The following MYPN variants were observed in gnomAD, a reference collection of about 807,000 sequenced individuals.
The protein encoded by MYPN is sarcomeric protein myopalladin, 145 kDa (MYOP).
In MYPN, 63 loss-of-function variants were observed where a neutral mutation model predicts 129.4. The ratio of observed to expected loss-of-function variants is 0.49; its 90% confidence interval spans 0.40 to 0.60. MYPN has a LOEUF of 0.60. Ranked by LOEUF, MYPN falls within the 20% of genes least tolerant of loss-of-function variation. MYPN has a pLI of 0.00. For synonymous variants in MYPN, 629 were observed against 600.9 expected, an observed-to-expected ratio of 1.05 and a Z score of -0.68; for missense variants, 1,596 against 1,635.4, an observed-to-expected ratio of 0.98 and a Z score of 0.42.
At chr10:68,106,021 C>G (rs915603212), upstream of MYPN, 5 of 378,304 alleles carry the variant, frequency 1.3e-5, no homozygotes, top group Non-Finnish European at 2.6e-5. Context: ...ATGACTGTCC[C>G]TGGATCTGCA....
At chr10:68,183,248 C>T (rs1430175196) in intron 12 of MYPN, among the ~76,000 whole-genome samples, 3 of 152,044 alleles carry the variant, frequency 2.0e-5, no homozygotes, top group African/African-American at 7.2e-5. Flanking sequence ...ATTGCTTGAG[C>T]TTAGGAGTTC....
At chr10:68,180,424 G>A (rs1423245459) in intron 12 of MYPN, among the ~76,000 whole-genome samples, 2 of 152,194 alleles carry the variant, frequency 1.3e-5, no homozygotes, top group Non-Finnish European at 2.9e-5. Flanking sequence ...GAGCTCAAGC[G>A]ATCCACCCGC....
intron 12 of MYPN, among the ~76,000 whole-genome samples, chr10:68,188,591 T>C (rs1475629334): frequency 5.9e-5 from 9 of 152,186 alleles, no homozygotes; most frequent in Admixed American, 5.2e-4. Context: ...AAGTTTTCCA[T>C]ATTGAAAGGA....
chr10:68,168,033 C>T (rs960393291), intron 10 of MYPN, among the ~76,000 whole-genome samples: 30 of 152,196 alleles, frequency 2.0e-4, no homozygotes, highest in African/African-American at 7.0e-4. Context: ...CCTCTGTCTA[C>T]GTGAGCATCT....
chr10:68,183,880 G>C (rs2043379645), intron 12 of MYPN, among the ~76,000 whole-genome samples: 1 of 152,060 alleles, frequency 6.6e-6, no homozygotes, highest in Non-Finnish European at 1.5e-5. Context: ...AAATTAGCTG[G>C]GCATGATGGT....
Position 68,143,113 on chromosome 10 carries a change from A to G in MYPN, c.1076A>G (p.Glu359Gly), listed in dbSNP as rs2134066905. 3.1e-6 allele frequency: 5 copies of G among 1,613,722 alleles called. No homozygotes were observed. The highest frequency in any genetic ancestry group is 4.2e-6 in the Non-Finnish European group (5 of 1,179,752). ...TCGACTTCTGCTGAGATTTATATAG[A>G]AGGTAAAACAAAATGCTCTTGGAGT... Reference protein sequence around the residue: ...TDSTSAEIYIEGVSSSDSEGD... With the variant: ...TDSTSAEIYIGGVSSSDSEGD... Residue 359 changes from glutamate to glycine, a missense_variant and splice_region_variant, in exon 3 of 20, where the codon GAA (glutamate) becomes GGA (glycine). Physicochemically the swap from Glu to Gly is moderately conservative, Grantham distance 98. Transcript: ENST00000358913.
chr10:68,193,214 A>C (rs1373095098), intron 13 of MYPN, among the ~76,000 whole-genome samples: 1 of 152,134 alleles, frequency 6.6e-6, no homozygotes, highest in Non-Finnish European at 1.5e-5. Context: ...AAGTGTCTAC[A>C]GAGGGAATGA....
chr10:68,173,847 G>T lies in MYPN; in HGVS notation c.1974-219G>T, dbSNP rs117144583. On this transcript the variant is annotated intron_variant, in intron 10 of 19. Coordinates refer to ENST00000358913, the MANE Select transcript of MYPN (RefSeq NM_032578.4). ...TGTATATATAATTTTTTTTTTTTTTGTTAGAGACGGGGTTTCACCATGTTG... is the reference window on the plus strand; with the variant it reads ...TGTATATATAATTTTTTTTTTTTTTTTTAGAGACGGGGTTTCACCATGTTG... Among the ~76,000 whole-genome samples, 111,591 of 144,764 alleles carry T rather than the reference G, an allele frequency of 0.77. 43,251 individuals are homozygous for T. The highest frequency in any genetic ancestry group is 0.91 in the East Asian group (4,543 of 5,006). The allele number at this position is 144,764 out of a possible 152,430, so 95.0% of individuals were successfully genotyped here. A position where few individuals can be genotyped will look rare whatever the true frequency, so the allele number is the denominator to read the frequency against.
At chr10:68,128,873 T>C (rs1019901071) in intron 2 of MYPN, among the ~76,000 whole-genome samples, 7 of 152,158 alleles carry the variant, frequency 4.6e-5, no homozygotes, top group Non-Finnish European at 8.8e-5. Flanking sequence ...AGCAAGTTAA[T>C]TGGTGAGTTT....
Position 68,152,282 on chromosome 10 carries a change from T to C in MYPN, c.1317+2171T>C, listed in dbSNP as rs1249207521. Among the ~76,000 whole-genome samples, 4 of 152,120 alleles carry C rather than the reference T, an allele frequency of 2.6e-5. No individual in the cohort carries two copies. In the East Asian group the frequency reaches 7.7e-4, roughly 29 times the overall value. ...CTTAAAGAGTCTGTTTTATCAGTAA[T>C]TCCAGGAGGGTATAATGAGGCATGT... On this transcript the variant is annotated intron_variant, in intron 6 of 19. Transcript: ENST00000358913.
chr10:68,192,870 T>C (rs1293288785), intron 13 of MYPN, among the ~76,000 whole-genome samples: 1 of 152,160 alleles, frequency 6.6e-6, no homozygotes, highest in Non-Finnish European at 1.5e-5. Context: ...TTGTTTCCTT[T>C]TTCATCTCTT....
intron 1 of MYPN, among the ~76,000 whole-genome samples, chr10:68,117,793 A>ATT (rs2042180066): frequency 6.6e-6 from 1 of 150,396 alleles, no homozygotes; most frequent in Non-Finnish European, 1.5e-5. Flanking sequence ...TAATAATAAT[A>ATT]ATTATTATTA....
At chr10:68,156,107 CA>C (rs2134125223) in intron 6 of MYPN, among the ~76,000 whole-genome samples, 1 of 152,330 alleles carries the variant, frequency 6.6e-6, no homozygotes, top group South Asian at 2.1e-4. Flanking sequence ...CATGTCAGAG[CA>C]TATTAGATTG....
chr10:68,094,860 G>A (rs982678841), intron 1 of MYPN, among the ~76,000 whole-genome samples: 2 of 151,974 alleles, frequency 1.3e-5, no homozygotes, highest in Non-Finnish European at 2.9e-5. Flanking sequence ...TCAGGAGTTC[G>A]AGACCAGTCT....
intron 1 of MYPN, among the ~76,000 whole-genome samples, chr10:68,112,578 A>G (rs2042097176): frequency 6.6e-6 from 1 of 152,200 alleles, no homozygotes; most frequent in Non-Finnish European, 1.5e-5. Context: ...CTGATGGATC[A>G]TCTCTGCTCG....
intron 6 of MYPN, among the ~76,000 whole-genome samples, chr10:68,152,722 G>GC (rs1010739160): frequency 1.3e-5 from 2 of 151,776 alleles, no homozygotes; most frequent in African/African-American, 2.4e-5. Context: ...TGCAACCTTG[G>GC]CCCCCCCGGG....
rs763129729 is a variant in MYPN, at chr10:68,197,317, C to A, written c.3159-35C>A. On this transcript the variant is annotated intron_variant, in intron 15 of 19. Transcript: ENST00000358913. ...TTATCATAAGTTTGTAAATTTATTT[C>A]TATGTTTAATATCTGAACATGCTTG... The A allele has an allele frequency of 3.1e-6, 5 of 1,605,742 alleles. No individual in the cohort carries two copies. The African/African-American group carries it at 5.4e-5, about 17-fold the overall frequency.
At chr10:68,113,901 A>C (rs2042116524) in intron 1 of MYPN, among the ~76,000 whole-genome samples, 1 of 152,160 alleles carries the variant, frequency 6.6e-6, no homozygotes, top group South Asian at 2.1e-4. Context: ...TGTGGTGAGA[A>C]AATTGAAGCT....
At chr10:68,176,226 C>T (rs2043225686) in intron 12 of MYPN, among the ~76,000 whole-genome samples, 1 of 152,070 alleles carries the variant, frequency 6.6e-6, no homozygotes, top group Admixed American at 6.6e-5. Flanking sequence ...AATGCTTACA[C>T]CAAAGGAAAA....
Sources: allele counts gnomAD v4.1 joint callset (sites outside exome capture counted in the v4.1 genomes callset), GRCh38; gene constraint gnomAD v4.1.1; transcripts MANE v1.5; gene names NCBI Gene and HGNC (gene_info 2026-07-23, HGNC 2026-07-21).